RABL3: variants seen among roughly 807,000 people sequenced by gnomAD.
RABL3 encodes rab-like protein 3.
In RABL3, 31 loss-of-function variants were observed where a neutral mutation model predicts 31.8. The ratio of observed to expected loss-of-function variants is 0.97; its 90% CI spans 0.73 to 1.31. The LOEUF (loss-of-function observed/expected upper bound fraction) is 1.31. Among genes scored for constraint, RABL3 ranks in the 40% most tolerant of loss-of-function variants. The pLI is 0.00. For synonymous variants in RABL3, 97 were observed against 99.9 expected, an observed-to-expected ratio of 0.97 and a Z score of 0.18; for missense variants, 263 against 279.6, an observed-to-expected ratio of 0.94 and a Z score of 0.42.
At chr3:120,739,104 T>C (rs1352470625) in intron 1 of RABL3, among the ~76,000 whole-genome samples, 1 of 152,160 alleles carries the variant, frequency 6.6e-6, no homozygotes, top group Non-Finnish European at 1.5e-5. Context: ...CTTGGCCAGG[T>C]GCGTTGGCTC....
chr3:120,697,316 CCTT>C (rs1268128738), intron 5 of RABL3, among the ~76,000 whole-genome samples: 2 of 152,182 alleles, frequency 1.3e-5, no homozygotes, highest in Admixed American at 6.5e-5. Context: ...TTACGTCTCT[CCTT>C]CTTATCTTTA....
intron 5 of RABL3, among the ~76,000 whole-genome samples, chr3:120,694,824 A>G (rs1183894229): frequency 2.0e-5 from 3 of 152,028 alleles, no homozygotes; most frequent in Admixed American, 6.6e-5. Flanking sequence ...ATAAAGATAT[A>G]TTACTACTCT....
intron 2 of RABL3, among the ~76,000 whole-genome samples, chr3:120,724,074 T>G (rs370122110): frequency 0.011 from 1,747 of 152,280 alleles, 33 homozygotes; most frequent in African/African-American, 0.04. Context: ...CAAAATCTCC[T>G]TAAGCTGATA....
At chr3:120,697,723 T>C (rs1044032425) in intron 5 of RABL3, among the ~76,000 whole-genome samples, 1 of 152,228 alleles carries the variant, frequency 6.6e-6, no homozygotes, top group South Asian at 2.1e-4. Context: ...GGTTTGCAAT[T>C]TTTTCATGTA....
intron 2 of RABL3, among the ~76,000 whole-genome samples, chr3:120,726,399 A>T (rs754133938): frequency 1.4e-4 from 21 of 152,122 alleles, no homozygotes; most frequent in Non-Finnish European, 2.5e-4. Flanking sequence ...CCAAGGTTGC[A>T]GGATTGCTTG....
At chr3:120,719,067 CA>C (rs1559818480) in intron 2 of RABL3, among the ~76,000 whole-genome samples, 1 of 151,846 alleles carries the variant, frequency 6.6e-6, no homozygotes, top group Non-Finnish European at 1.5e-5. Flanking sequence ...AAAAACAGAC[CA>C]AAAAAACCCA....
intron 2 of RABL3, among the ~76,000 whole-genome samples, chr3:120,713,752 A>T (rs1396436478): frequency 1.3e-5 from 2 of 152,138 alleles, no homozygotes; most frequent in Non-Finnish European, 2.9e-5. Flanking sequence ...AAACAAAATC[A>T]AGACCTATGT....
chr3:120,710,151 A>G (rs1379030647), intron 2 of RABL3, among the ~76,000 whole-genome samples: 1 of 151,962 alleles, frequency 6.6e-6, no homozygotes, highest in East Asian at 1.9e-4. Flanking sequence ...CCTCCTAACT[A>G]AGCATAAATT....
At chr3:120,726,348 G>A (rs747747376) in intron 2 of RABL3, among the ~76,000 whole-genome samples, 11 of 152,060 alleles carry the variant, frequency 7.2e-5, no homozygotes, top group Non-Finnish European at 1.3e-4. Flanking sequence ...TTTAGGGCCC[G>A]GCATGGTGGC....
chr3:120,723,850 T>C (rs1488166897), intron 2 of RABL3, among the ~76,000 whole-genome samples: 3 of 152,004 alleles, frequency 2.0e-5, no homozygotes, highest in East Asian at 3.9e-4. Context: ...TCATACTGAA[T>C]GGGCAAAAAC....
chr3:120,736,711 CT>C (rs1708970991), intron 1 of RABL3, among the ~76,000 whole-genome samples: 1 of 152,114 alleles, frequency 6.6e-6, no homozygotes, highest in East Asian at 1.9e-4. Context: ...TTCAGGAGCT[CT>C]TTTAGGGCAG....
At chr3:120,732,872 T>C (rs1708903551) in intron 1 of RABL3, among the ~76,000 whole-genome samples, 1 of 152,154 alleles carries the variant, frequency 6.6e-6, no homozygotes, top group Non-Finnish European at 1.5e-5. Flanking sequence ...TTCATCCATG[T>C]CCCTGCAAAG....
chr3:120,730,149 G>A (rs1157371946), intron 2 of RABL3, among the ~76,000 whole-genome samples: 1 of 152,220 alleles, frequency 6.6e-6, no homozygotes, highest in Non-Finnish European at 1.5e-5. Flanking sequence ...CCTTCCGTAT[G>A]TGTGTCTTAA....
chr3:120,741,995 T>A (rs2107601817), intron 1 of RABL3, among the ~76,000 whole-genome samples: 1 of 152,268 alleles, frequency 6.6e-6, no homozygotes, highest in Admixed American at 6.5e-5. Context: ...GTCTCAGAAT[T>A]AAATGAGTTA....
chr3:120,701,450 T>C (rs1466352906), intron 4 of RABL3, among the ~76,000 whole-genome samples: 1 of 152,178 alleles, frequency 6.6e-6, no homozygotes, highest in Non-Finnish European at 1.5e-5. Context: ...CAAATGGGTA[T>C]AGAACTTTTA....
intron 2 of RABL3, among the ~76,000 whole-genome samples, chr3:120,716,771 G>T (rs1260943333): frequency 6.6e-6 from 1 of 152,140 alleles, no homozygotes; most frequent in Non-Finnish European, 1.5e-5. Context: ...GCTGCTACAG[G>T]TAACAGTGCT....
At chr3:120,708,309 A>G (rs1708574097) in intron 3 of RABL3, among the ~76,000 whole-genome samples, 1 of 152,060 alleles carries the variant, frequency 6.6e-6, no homozygotes, top group Admixed American at 6.5e-5. Flanking sequence ...ATATTAAAGG[A>G]GACAAATCAC....
chr3:120,726,735 C>T lies in RABL3; in HGVS notation c.138+3961G>A, dbSNP rs564804640. On this transcript the variant is annotated intron_variant, in intron 2 of 7. Coordinates refer to ENST00000273375, the MANE Select transcript of RABL3 (RefSeq NM_173825.5). ...CTCCAGCCGGAGCAACAGAGTGGGA[C>T]TCCATCTCAAAAAAATAAATTAAAT... is the stretch of plus-strand genomic sequence containing the variant. Among the ~76,000 whole-genome samples the T allele has an allele frequency of 6.1e-4, 93 of 151,670 alleles. 1 individual carries two copies. The highest frequency in any genetic ancestry group is 3.4e-3 in the Middle Eastern group (1 of 294).
At chr3:120,735,329 C>T (rs771270174) in intron 1 of RABL3, among the ~76,000 whole-genome samples, 33 of 152,252 alleles carry the variant, frequency 2.2e-4, no homozygotes, top group Non-Finnish European at 3.2e-4. Context: ...AGTTTATTTG[C>T]GTAGAGGTGT....
Sources: gnomAD v4.1 joint callset for allele counts (sites outside exome capture counted in the v4.1 genomes callset) on GRCh38, gnomAD v4.1.1 for gene constraint, MANE v1.5 for transcripts, NCBI Gene and HGNC (gene_info 2026-07-23, HGNC 2026-07-21) for gene names.